CDH7: variants seen among roughly 807,000 people sequenced by gnomAD.
The protein encoded by CDH7 is cadherin 7.
In CDH7, 25 loss-of-function variants were observed where a neutral mutation model predicts 71.8. That is an observed-to-expected ratio of 0.35 (90% CI 0.25 to 0.49). The LOEUF is 0.49. Among genes scored for constraint, CDH7 ranks in the 20% least tolerant of loss-of-function variants. The pLI is 0.99. For missense variants in CDH7, 862 were observed against 974.6 expected (o/e 0.88, Z 1.54); for synonymous variants, 381 against 363.8 (o/e 1.05, Z -0.54).
chr18:65,773,420 C>T (rs1022117451), intron 2 of CDH7, among the ~76,000 whole-genome samples: 1 of 151,894 alleles, frequency 6.6e-6, no homozygotes, highest in Non-Finnish European at 1.5e-5. Flanking sequence ...ACTTTAGGTT[C>T]CTGAATACAG....
rs1026636013 is a variant in CDH7, at chr18:65,885,991, A to G, written c.*5097A>G. 8 of 152,156 alleles carry G rather than the reference A, an allele frequency of 5.3e-5. No homozygotes were observed. The highest frequency in any genetic ancestry group is 1.9e-4 in the African/African-American group (8 of 41,444). 9.4% of individuals were successfully genotyped at this position (152,156 alleles called of 1,614,324 possible). ...ATAGAGTGTGAATTATTTGTTATTA[A>G]ATGTTACTGGGCTTTGGTGTCAGTG... On this transcript the variant is annotated 3_prime_UTR_variant, in exon 12 of 12. Transcript: ENST00000397968.
At chr18:65,828,093 A>G (rs552121147) in intron 6 of CDH7, among the ~76,000 whole-genome samples, 12 of 151,594 alleles carry the variant, frequency 7.9e-5, no homozygotes, top group African/African-American at 2.9e-4. Context: ...CAGGAGCTTA[A>G]TTTTTATTTC....
chr18:65,818,108 G>C (rs1184521756), intron 4 of CDH7, among the ~76,000 whole-genome samples: 1 of 152,066 alleles, frequency 6.6e-6, no homozygotes, highest in Admixed American at 6.5e-5. Context: ...ACTCATAATA[G>C]AGTATTTTTA....
chr18:65,768,592 T>A (rs968296771), intron 2 of CDH7, among the ~76,000 whole-genome samples: 1 of 152,204 alleles, frequency 6.6e-6, no homozygotes, highest in African/African-American at 2.4e-5. Context: ...AGTTTTTTTC[T>A]CTACAAAGTG....
chr18:65,837,676 G>A (rs1239238006), intron 6 of CDH7, among the ~76,000 whole-genome samples: 2 of 152,000 alleles, frequency 1.3e-5, no homozygotes, highest in African/African-American at 4.8e-5. Flanking sequence ...AAATTAGAAA[G>A]AAACCTGTTT....
intron 1 of CDH7, among the ~76,000 whole-genome samples, chr18:65,753,194 G>A (rs1915934162): frequency 6.6e-6 from 1 of 152,122 alleles, no homozygotes; most frequent in Non-Finnish European, 1.5e-5. Context: ...TGGTTTCCCT[G>A]TTATTCAGCA....
At chr18:65,867,270 C>T (rs1308909636) in intron 11 of CDH7, among the ~76,000 whole-genome samples, 1 of 151,990 alleles carries the variant, frequency 6.6e-6, no homozygotes, top group African/African-American at 2.4e-5. Context: ...CTCCTGACCT[C>T]GTGATCCACC....
At chr18:65,770,759 A>G (rs1916517971) in intron 2 of CDH7, among the ~76,000 whole-genome samples, 1 of 152,194 alleles carries the variant, frequency 6.6e-6, no homozygotes. Context: ...GTCTACATTG[A>G]ATAATTATCA....
At position 65,839,437 on chromosome 18, in the gene CDH7, T is replaced by G. The variant is rs147513155; in HGVS notation, c.982-4375T>G. Among the ~76,000 whole-genome samples, 460 of 152,212 alleles carry G rather than the reference T, an allele frequency of 3.0e-3. 9 individuals are homozygous for G. The highest frequency in any genetic ancestry group is 0.011 in the African/African-American group (439 of 41,544). ...GCCCACTAATACCACTCATGAGGGA[T>G]CCACACTCAAAAGCTAATTAAATCC... On this transcript the variant is annotated intron_variant, in intron 6 of 11. Transcript: ENST00000397968.
At chr18:65,844,951 T>G (rs1912884560) in intron 7 of CDH7, among the ~76,000 whole-genome samples, 1 of 152,082 alleles carries the variant, frequency 6.6e-6, no homozygotes, top group Admixed American at 6.6e-5. Flanking sequence ...TCTTCAGATA[T>G]GTTCAATTAG....
chr18:65,843,981 T>C lies in CDH7; in HGVS notation c.1151T>C (p.Met384Thr). Residue 384 changes from methionine to threonine, a missense_variant, in exon 7 of 12, where the codon ATG (methionine) becomes ACG (threonine). By Grantham distance (81) the Met-to-Thr change is moderately conservative. Coordinates refer to ENST00000397968, the MANE Select transcript of CDH7 (RefSeq NM_004361.5). ...GTGTTCTCTTCACCCTTGTACCCTATGGAGGTGTCGGAAGCTACCCAGGTT... is the reference window on the plus strand; with the variant it reads ...GTGTTCTCTTCACCCTTGTACCCTACGGAGGTGTCGGAAGCTACCCAGGTT... ...PPVFSSPLYP[M>T]EVSEATQVGN... 6.2e-7 allele frequency: 1 copy of C among 1,612,978 alleles called. No homozygotes were observed. Among genetic ancestry groups the C allele is most frequent in the Non-Finnish European group, 8.5e-7 (1 of 1,179,368 alleles).
At chr18:65,780,936 T>TC (rs1279126915) in intron 2 of CDH7, among the ~76,000 whole-genome samples, 1 of 148,060 alleles carries the variant, frequency 6.8e-6, no homozygotes, top group Non-Finnish European at 1.5e-5. Context: ...TTTTTTTTTT[T>TC]TCGGAGAAAA....
chr18:65,812,062 G>A (rs989642959), intron 3 of CDH7, among the ~76,000 whole-genome samples: 11 of 132,460 alleles, frequency 8.3e-5, no homozygotes, highest in African/African-American at 1.7e-4. Flanking sequence ...TCCACCTCCC[G>A]AGTTCAAGCA....
rs1354565005 is a variant in CDH7 at position 65,888,070 on chromosome 18, A to G, written c.*7176A>G. On this transcript the variant is annotated 3_prime_UTR_variant, in exon 12 of 12. Coordinates refer to ENST00000397968, the MANE Select transcript of CDH7 (RefSeq NM_004361.5). Reference sequence around the variant, plus strand: ...ACCTTGGAAATGAGACATGAAGCATAAAACCTGGGGTCAGGATGTATGTCC... The same window carrying G: ...ACCTTGGAAATGAGACATGAAGCATGAAACCTGGGGTCAGGATGTATGTCC... The G allele has an allele frequency of 2.0e-5, 3 of 152,184 alleles. No homozygotes were observed. The highest frequency in any genetic ancestry group is 6.5e-5 in the Admixed American group (1 of 15,278). The allele number at this position is 152,184 out of a possible 1,614,324, so 9.4% of individuals were successfully genotyped here. A position where few individuals can be genotyped will look rare whatever the true frequency, so the allele number is the denominator to read the frequency against.
chr18:65,801,344 T>G (rs2143884007), intron 2 of CDH7, among the ~76,000 whole-genome samples: 1 of 152,346 alleles, frequency 6.6e-6, no homozygotes, highest in African/African-American at 2.4e-5. Flanking sequence ...TAATAGCTAC[T>G]GTGCACTAGA....
rs1269041870 is a variant in CDH7 at position 65,885,457 on chromosome 18, A to C, written c.*4563A>C. The C allele has an allele frequency of 2.2e-5, 3 of 136,640 alleles. No homozygotes were observed. The highest frequency in any genetic ancestry group is 8.2e-5 in the African/African-American group (3 of 36,772). The allele number at this position is 136,640 out of a possible 1,614,324, so 8.5% of individuals were successfully genotyped here. On this transcript the variant is annotated 3_prime_UTR_variant, in exon 12 of 12. Coordinates refer to ENST00000397968, the MANE Select transcript of CDH7 (RefSeq NM_004361.5). Reference sequence around the variant, plus strand: ...CAGTGGTGCGATCTCGGCTCACTGCAAGCTCCGCCTCCAGGGTTCACACCG... The same window carrying C: ...CAGTGGTGCGATCTCGGCTCACTGCCAGCTCCGCCTCCAGGGTTCACACCG...
At chr18:65,859,900 T>G in intron 10 of CDH7, 75 bp downstream of exon 10, 1 of 869,534 alleles carries the variant, frequency 1.2e-6, no homozygotes, top group Middle Eastern at 2.8e-4. Flanking sequence ...TCCCCAGGAA[T>G]GCTGATTATG....
chr18:65,779,071 TTTG>T (rs200795813), intron 2 of CDH7, among the ~76,000 whole-genome samples: 3 of 65,538 alleles, frequency 4.6e-5, no homozygotes, highest in African/African-American at 1.5e-4. Context: ...CAAATCACTG[TTTG>T]TTTGTTTGTT....
intron 4 of CDH7, among the ~76,000 whole-genome samples, chr18:65,819,393 C>T (rs776831992): frequency 1.3e-5 from 2 of 152,148 alleles, no homozygotes; most frequent in Admixed American, 6.5e-5. Context: ...ATAAAAGTTG[C>T]TGTCCAAAAC....
Sources: allele counts gnomAD v4.1 joint callset (sites outside exome capture counted in the v4.1 genomes callset), GRCh38; gene constraint gnomAD v4.1.1; transcripts MANE v1.5; gene names NCBI Gene and HGNC (gene_info 2026-07-23, HGNC 2026-07-21).